The following PTPRD variants were observed in gnomAD, a reference collection of about 807,000 sequenced individuals.
PTPRD encodes protein tyrosine phosphatase receptor type D, also known as receptor-type tyrosine-protein phosphatase delta.
A neutral mutation model predicts 214.5 loss-of-function variants in PTPRD; 34 were observed. The ratio of observed to expected loss-of-function variants is 0.16; its 90% confidence interval spans 0.12 to 0.21. The LOEUF is 0.21. Among genes scored for constraint, PTPRD ranks in the 10% least tolerant of loss-of-function variants. The pLI, the probability that PTPRD is intolerant of heterozygous loss-of-function variation, is 1.00. For synonymous variants in PTPRD, 1,128 were observed against 845.7 expected (o/e 1.33, Z -5.79); for missense variants, 2,545 against 2,398.7 (o/e 1.06, Z -1.27).
At chr9:8,492,772 T>C (rs2097177881) in intron 27 of PTPRD, 90 bp downstream of exon 27, 1 of 850,574 alleles carries the variant, frequency 1.2e-6, no homozygotes, top group East Asian at 2.6e-5. Flanking sequence ...CCTCTGATTT[T>C]ACTATAATAA....
At chr9:10,420,092 A>G (rs534311820) in intron 2 of PTPRD, among the ~76,000 whole-genome samples, 2 of 151,962 alleles carry the variant, frequency 1.3e-5, no homozygotes, top group South Asian at 2.1e-4. Context: ...AATGACAATA[A>G]TAATAATCAT....
chr9:8,685,359 GAA>G (rs35189571), intron 12 of PTPRD, among the ~76,000 whole-genome samples: 22 of 151,022 alleles, frequency 1.5e-4, no homozygotes, highest in African/African-American at 5.4e-4. Flanking sequence ...GAATTTTGGG[GAA>G]AAAAAAATCA....
At chr9:10,263,963 A>G (rs537709181) in intron 3 of PTPRD, among the ~76,000 whole-genome samples, 1 of 152,266 alleles carries the variant, frequency 6.6e-6, no homozygotes, top group African/African-American at 2.4e-5. Context: ...GGGCCAAGGT[A>G]CAGCTCAGGG....
At position 9,707,279 on chromosome 9, in the gene PTPRD, T is replaced by C. The variant is rs372298340; in HGVS notation, c.-287+27254A>G. 5.3e-5 allele frequency among the ~76,000 whole-genome samples: 8 copies of C among 152,316 alleles called. No individual in the cohort carries two copies. In the East Asian group the frequency reaches 1.5e-3, roughly 29 times the overall value. ...GTGTGCTGTTAAAACAAAATAAGAA[T>C]ATTTTTGGGCAGCCTATCTATTTTG... On this transcript the variant is annotated intron_variant, in intron 7 of 45. Coordinates refer to ENST00000381196, the MANE Select transcript of PTPRD (RefSeq NM_002839.4).
At chr9:10,008,614 T>C (rs2096536292) in intron 4 of PTPRD, among the ~76,000 whole-genome samples, 1 of 151,982 alleles carries the variant, frequency 6.6e-6, no homozygotes, top group South Asian at 2.1e-4. Flanking sequence ...AGCCAATCCA[T>C]TCAGCATAAA....
intron 11 of PTPRD, among the ~76,000 whole-genome samples, chr9:8,790,868 A>C (rs1369854885): frequency 6.6e-6 from 1 of 152,182 alleles, no homozygotes; most frequent in African/African-American, 2.4e-5. Context: ...TTAAAAGTAA[A>C]AATTCGGTCC....
intron 5 of PTPRD, among the ~76,000 whole-genome samples, chr9:9,922,444 C>G (rs1032552902): frequency 6.6e-6 from 1 of 152,000 alleles, no homozygotes. Context: ...TACCCAAGCC[C>G]CCATTCTAAA....
At chr9:8,486,480 A>C (rs1231613335) in intron 27 of PTPRD, 131 bp from the exon 28 acceptor site, 4 of 832,360 alleles carry the variant, frequency 4.8e-6, no homozygotes, top group Non-Finnish European at 6.3e-6. Flanking sequence ...CAAAACAGGC[A>C]ATGTTTGACC....
At chr9:10,262,919 T>C (rs1167426091) in intron 3 of PTPRD, among the ~76,000 whole-genome samples, 2 of 152,192 alleles carry the variant, frequency 1.3e-5, no homozygotes, top group African/African-American at 2.4e-5. Flanking sequence ...GGGGAGATAA[T>C]TGAATAAAGG....
intron 2 of PTPRD, among the ~76,000 whole-genome samples, chr9:10,370,530 T>G (rs941250462): frequency 6.6e-6 from 1 of 152,068 alleles, no homozygotes; most frequent in Admixed American, 6.6e-5. Context: ...GAAACATTTA[T>G]GTAGAATTTT....
intron 30 of PTPRD, among the ~76,000 whole-genome samples, chr9:8,480,542 C>T (rs548975778): frequency 4.6e-5 from 7 of 152,230 alleles, no homozygotes; most frequent in Admixed American, 2.0e-4. Context: ...GAAACATTAA[C>T]GTTGACTATT....
In PTPRD at chr9:8,411,734, T is replaced by G. The variant is rs73420472; in HGVS notation, c.4087-7074A>C. Among the ~76,000 whole-genome samples, 162 of 152,350 alleles carry G rather than the reference T, an allele frequency of 1.1e-3. 2 individuals carry two copies. The highest frequency in any genetic ancestry group is 3.8e-3 in the African/African-American group (158 of 41,588). On this transcript the variant is annotated intron_variant, in intron 35 of 45. Coordinates refer to ENST00000381196, the MANE Select transcript of PTPRD (RefSeq NM_002839.4). Reference sequence around the variant, plus strand: ...GCGATATGTGTTAATCCTAATGTTTTCATTTTTAGCTATTTATCTCCTACA... The same window carrying G: ...GCGATATGTGTTAATCCTAATGTTTGCATTTTTAGCTATTTATCTCCTACA...
intron 3 of PTPRD, among the ~76,000 whole-genome samples, chr9:10,259,210 G>A (rs535555156): frequency 6.6e-6 from 1 of 152,024 alleles, no homozygotes; most frequent in South Asian, 2.1e-4. Flanking sequence ...ATTTTTAGTA[G>A]AGAAGGGGTT....
chr9:8,403,698 C>A (rs1186348516), intron 36 of PTPRD, among the ~76,000 whole-genome samples: 1 of 152,200 alleles, frequency 6.6e-6, no homozygotes, highest in Non-Finnish European at 1.5e-5. Flanking sequence ...ACACTCCTTA[C>A]TGCAATTCTA....
At chr9:9,402,098 CA>C (rs1281514810) in intron 8 of PTPRD, among the ~76,000 whole-genome samples, 2 of 151,750 alleles carry the variant, frequency 1.3e-5, no homozygotes, top group Non-Finnish European at 2.9e-5. Flanking sequence ...TCATTTTTGC[CA>C]AAAAGTTGTG....
chr9:10,356,050 A>G (rs2097271106), intron 2 of PTPRD, among the ~76,000 whole-genome samples: 1 of 152,110 alleles, frequency 6.6e-6, no homozygotes, highest in East Asian at 1.9e-4. Flanking sequence ...TTTTTAGTTC[A>G]TTTGATTTCC....
At chr9:10,611,498 A>G (rs935925830) in intron 2 of PTPRD, among the ~76,000 whole-genome samples, 20 of 152,194 alleles carry the variant, frequency 1.3e-4, no homozygotes, top group African/African-American at 4.8e-4. Context: ...CATGTTTTTT[A>G]TATATATGTA....
At chr9:10,381,795 T>A (rs959833351) in intron 2 of PTPRD, among the ~76,000 whole-genome samples, 13 of 151,976 alleles carry the variant, frequency 8.6e-5, no homozygotes, top group African/African-American at 3.1e-4. Flanking sequence ...TATTATGTCA[T>A]ACATAATGGC....
At chr9:10,586,016 T>C (rs920550302) in intron 2 of PTPRD, among the ~76,000 whole-genome samples, 4 of 152,084 alleles carry the variant, frequency 2.6e-5, no homozygotes, top group African/African-American at 7.2e-5. Flanking sequence ...CTAAATGTTG[T>C]ATGAGAAATT....
Sources: gnomAD v4.1 joint callset for allele counts (sites outside exome capture counted in the v4.1 genomes callset) on GRCh38, gnomAD v4.1.1 for gene constraint, MANE v1.5 for transcripts, NCBI Gene and HGNC (gene_info 2026-07-23, HGNC 2026-07-21) for gene names.